TSPOAP1: variants seen among roughly 807,000 people sequenced by gnomAD.
The protein encoded by TSPOAP1 is TSPO associated protein 1, also known as peripheral-type benzodiazepine receptor-associated protein 1.
In TSPOAP1, 87 loss-of-function variants were observed where a neutral mutation model predicts 197.0. The observed-to-expected ratio is 0.44, with a 90% CI of 0.37 to 0.53. The LOEUF is 0.53. Among genes scored for constraint, TSPOAP1 ranks in the 20% least tolerant of loss-of-function variants. TSPOAP1 has a pLI of 0.00. For synonymous variants in TSPOAP1, 913 were observed against 998.9 expected, an observed-to-expected ratio of 0.91 and a Z score of 1.62; for missense variants, 2,174 against 2,411.3, an observed-to-expected ratio of 0.90 and a Z score of 2.06.
chr17:58,323,566 G>A, intron 5 of TSPOAP1, 21 bp from the exon 6 acceptor site: 1 of 1,611,278 alleles, frequency 6.2e-7, no homozygotes, highest in Non-Finnish European at 8.5e-7. Context: ...CCAGGGGCAA[G>A]GGGCTGGCAC....
chr17:58,322,767 C>T lies in TSPOAP1; in HGVS notation c.1204G>A (p.Glu402Lys), dbSNP rs764418857. The T allele has an allele frequency of 4.3e-6, 7 of 1,612,764 alleles. No homozygotes were observed. Among genetic ancestry groups the T allele is most frequent in the South Asian group, 1.1e-5 (1 of 91,078 alleles). The stretch of plus-strand genomic sequence containing the variant: ...AGCTGGCCCCTCAGCTCCGCATTCT[C>T]CCACTCCACCTGGCGAGGGGGCAGT... ...RATEKEQVEW[E>K]NAELRGQLLG... The change falls in exon 9 of 32, where the codon GAG becomes AAG. Residue 402 changes from glutamate (E) to lysine (K), a missense_variant. Physicochemically the swap from Glu to Lys is moderately conservative, Grantham distance 56. Around this residue, in one of 5 missense-constraint regions of TSPOAP1, gnomAD observed 1,933 missense variants for 2,139.0 expected, o/e 0.90. Transcript: ENST00000343736. This position sits in a 1 kb window ranked among gnomAD's most constrained non-coding sequence, Gnocchi z 5.0.
rs1396053233 is a variant in TSPOAP1 at position 58,328,269 on chromosome 17, G to T, written c.-349C>A. The T allele has an allele frequency of 5.7e-6, 2 of 350,368 alleles. No individual in the cohort carries two copies. Among genetic ancestry groups the T allele is most frequent in the African/African-American group, 4.1e-5 (2 of 48,790 alleles). 21.7% of individuals were successfully genotyped at this position (350,368 alleles called of 1,614,324 possible). The stretch of plus-strand genomic sequence containing the variant: ...CGTGTGTGTGTCTCCAGGTCTGTCC[G>T]TGCAGGTCAATGCTGTCTCATGTGT... On this transcript the variant is annotated 5_prime_UTR_variant, in exon 1 of 32. Transcript: ENST00000343736. This position sits in a 1 kb window ranked among gnomAD's most constrained non-coding sequence, Gnocchi z 4.3.
At chr17:58,312,814 T>C in intron 16 of TSPOAP1, 92 bp from the exon 17 acceptor site, 1 of 906,428 alleles carries the variant, frequency 1.1e-6, no homozygotes, top group South Asian at 1.7e-5. Flanking sequence ...TAGCAACTGC[T>C]AGTGGGTGAT....
At chr17:58,316,236 T>C in intron 15 of TSPOAP1, 104 bp from the exon 16 acceptor site, 3 of 1,173,898 alleles carry the variant, frequency 2.6e-6, no homozygotes, top group Non-Finnish European at 3.8e-6. Flanking sequence ...GAGACTTGGT[T>C]GTGGTTGTCC....
In TSPOAP1 at chr17:58,308,748, C is replaced by A. The variant is rs1367263292; in HGVS notation, c.4524G>T (p.Glu1508Asp). ...TGATGCTGATGCCCCCGCTGCCCGC[C>A]TCCTGCTCATCCTCCGAATCATATT... ...SIEYDSEDEQ[E>D]AGSGGISITS... The change falls in exon 22 of 32, where the codon GAG becomes GAT. Residue 1508 changes from glutamate to aspartate, a missense_variant. Physicochemically the swap from Glu to Asp is conservative, Grantham distance 45. Around this residue, in one of 5 missense-constraint regions of TSPOAP1, gnomAD observed 1,933 missense variants for 2,139.0 expected, o/e 0.90. Coordinates refer to ENST00000343736, the MANE Select transcript of TSPOAP1 (RefSeq NM_004758.4). 2 of 1,613,082 alleles carry A rather than the reference C, an allele frequency of 1.2e-6. No homozygotes were observed. The highest frequency in any genetic ancestry group is 1.7e-5 in the Admixed American group (1 of 60,018).
At chr17:58,320,616 G>C in intron 10 of TSPOAP1, 35 bp from the exon 11 acceptor site, 1 of 1,393,768 alleles carries the variant, frequency 7.2e-7, no homozygotes, top group Non-Finnish European at 9.4e-7. Flanking sequence ...CTGGAGGGAA[G>C]GAGAAGGAAT....
chr17:58,327,474 A>G, intron 1 of TSPOAP1, 114 bp downstream of exon 1: 1 of 1,065,740 alleles, frequency 9.4e-7, no homozygotes, highest in Non-Finnish European at 1.4e-6. Flanking sequence ...AGACAGGCCA[A>G]GAGAGGACAG....
chr17:58,325,018 A>T lies in TSPOAP1; in HGVS notation c.751-16T>A. The T allele has an allele frequency of 1.3e-6, 2 of 1,506,714 alleles. No homozygotes were observed. Among genetic ancestry groups the T allele is most frequent in the East Asian group, 2.5e-5 (1 of 40,316 alleles). 93.3% of individuals were successfully genotyped at this position (1,506,714 alleles called of 1,614,324 possible). On this transcript the variant is annotated splice_polypyrimidine_tract_variant and intron_variant, in intron 4 of 31. Coordinates refer to ENST00000343736, the MANE Select transcript of TSPOAP1 (RefSeq NM_004758.4). ...GGGGACCCTCCTGAGGTTGGGGGAC[A>T]GGGACAGGGAGGGGACTCAGGCCTA...
Position 58,322,721 on chromosome 17 carries a change from C to A in TSPOAP1, c.1250G>T (p.Arg417Met), listed in dbSNP as rs1971439199. 1.6e-5 allele frequency: 25 copies of A among 1,612,886 alleles called. No homozygotes were observed. Among genetic ancestry groups the A allele is most frequent in the Non-Finnish European group, 2.1e-5 (25 of 1,180,010 alleles). The change falls in exon 9 of 32, where the codon AGG (arginine) becomes ATG (methionine). Residue 417 changes from arginine to methionine, a missense_variant. By Grantham distance (91) the Arg-to-Met change is moderately conservative (BLOSUM62 -1). Coordinates refer to ENST00000343736, the MANE Select transcript of TSPOAP1 (RefSeq NM_004758.4). This position sits in a 1 kb window ranked among gnomAD's most constrained non-coding sequence, Gnocchi z 5.0. ...RGQLLGVTQE[R>M]DSALRKSQGL... ...CTGGCTCTTGCGAAGGGCTGAGTCC[C>A]TCTCCTGTGTCACCCCCAGGAGCTG... is the stretch of plus-strand genomic sequence containing the variant.
chr17:58,322,839 G>C lies in TSPOAP1; in HGVS notation c.1195-63C>G, dbSNP rs1365295385. The C allele has an allele frequency of 5.0e-6, 8 of 1,607,804 alleles. No individual in the cohort carries two copies. Among genetic ancestry groups the C allele is most frequent in the Non-Finnish European group, 6.8e-6 (8 of 1,176,584 alleles). ...GCCTTGACCCACCAGCACCCTCACAGGGGGAACAGTACCCTACCCCTGCTC... is the reference window on the plus strand; with the variant it reads ...GCCTTGACCCACCAGCACCCTCACACGGGGAACAGTACCCTACCCCTGCTC... On this transcript the variant is annotated intron_variant, in intron 8 of 31. Coordinates refer to ENST00000343736, the MANE Select transcript of TSPOAP1 (RefSeq NM_004758.4). This position sits in a 1 kb window ranked among gnomAD's most constrained non-coding sequence, Gnocchi z 5.0.
Position 58,309,374 on chromosome 17 carries a change from G to A in TSPOAP1, c.3898C>T (p.Pro1300Ser). The A allele has an allele frequency of 6.2e-7, 1 of 1,607,678 alleles. No homozygotes were observed. The highest frequency in any genetic ancestry group is 8.5e-7 in the Non-Finnish European group (1 of 1,177,714). ...CTGTCAGTCTCACAAAAGGGGTCGG[G>A]CTGGGACTGGTGGAGGTGGGGAGGT... ...SIRENGAKSQPDPFCETDSDE... is the reference protein window; with the variant it reads ...SIRENGAKSQSDPFCETDSDE... The change falls in exon 22 of 32, where the codon CCC (proline) becomes TCC (serine). Residue 1300 changes from proline (P) to serine (S), a missense_variant. This residue lies in a region of TSPOAP1 where 1,933 missense variants were observed against 2,139.0 expected (regional missense o/e 0.90). Transcript: ENST00000343736. The surrounding 1 kb of genome is among the most constrained non-coding windows in gnomAD (Gnocchi z 5.0).
At chr17:58,303,773 G>A (rs1485429107) in intron 31 of TSPOAP1, 1 of 152,214 alleles carries the variant, frequency 6.6e-6, no homozygotes. Context: ...AGCCTCCCAA[G>A]TAGCTAGTAT....
At position 58,326,158 on chromosome 17, in the gene TSPOAP1, T is replaced by C; in HGVS notation, c.570+135A>G. 1 of 1,409,708 alleles carries C rather than the reference T, an allele frequency of 7.1e-7. No homozygotes were observed. Among genetic ancestry groups the C allele is most frequent in the Non-Finnish European group, 9.5e-7 (1 of 1,051,488 alleles). The allele number at this position is 1,409,708 out of a possible 1,614,324, so 87.3% of individuals were successfully genotyped here. On this transcript the variant is annotated intron_variant, in intron 3 of 31. Coordinates refer to ENST00000343736, the MANE Select transcript of TSPOAP1 (RefSeq NM_004758.4). The surrounding 1 kb of genome is among the most constrained non-coding windows in gnomAD (Gnocchi z 4.7). ...GCCAGCCTCTGCCCTTCCTGCACCTTAGCCCCTAGATTCTTGCTTTCCTAG... is the reference window on the plus strand; with the variant it reads ...GCCAGCCTCTGCCCTTCCTGCACCTCAGCCCCTAGATTCTTGCTTTCCTAG...
rs1365295385 is a variant in TSPOAP1 at position 58,322,839 on chromosome 17, G to A, written c.1195-63C>T. The A allele has an allele frequency of 1.9e-6, 3 of 1,607,804 alleles. No individual in the cohort carries two copies. In the Admixed American group the frequency reaches 5.0e-5, roughly 27 times the overall value. ...GCCTTGACCCACCAGCACCCTCACA[G>A]GGGGAACAGTACCCTACCCCTGCTC... On this transcript the variant is annotated intron_variant, in intron 8 of 31. Coordinates refer to ENST00000343736, the MANE Select transcript of TSPOAP1 (RefSeq NM_004758.4). This position sits in a 1 kb window ranked among gnomAD's most constrained non-coding sequence, Gnocchi z 5.0.
rs546848917 is a variant in TSPOAP1, at chr17:58,312,430, C to T, written c.2391G>A (p.Leu797=). 1.4e-5 allele frequency: 22 copies of T among 1,613,212 alleles called. No individual in the cohort carries two copies. In the East Asian group the frequency reaches 2.5e-4, roughly 18 times the overall value. ...TGTGGGCCAGCTGCTTGAGGACCACCAGACGGCGGGGGTAAGGCACGGCAG... is the reference window on the plus strand; with the variant it reads ...TGTGGGCCAGCTGCTTGAGGACCACTAGACGGCGGGGGTAAGGCACGGCAG... The part of the protein sequence containing the change: ...EPPAVPYPRR[L]VVLKQLAHSV... Residue 797 remains leucine (L), a synonymous_variant, in exon 17 of 32, where the codon CTG becomes CTA. Coordinates refer to ENST00000343736, the MANE Select transcript of TSPOAP1 (RefSeq NM_004758.4).
At chr17:58,306,677 G>A in intron 25 of TSPOAP1, 123 bp downstream of exon 25, 2 of 1,266,410 alleles carry the variant, frequency 1.6e-6, no homozygotes, top group Non-Finnish European at 1.1e-6. Flanking sequence ...GTTCAAGGCA[G>A]GCTCCAAGGC....
In TSPOAP1 at chr17:58,319,071, C is replaced by T. The variant is rs1043983243; in HGVS notation, c.1699+19G>A. 4.7e-6 allele frequency: 7 copies of T among 1,497,752 alleles called. No homozygotes were observed. In the African/African-American group the frequency reaches 8.4e-5, roughly 18 times the overall value. The allele number at this position is 1,497,752 out of a possible 1,614,324, so 92.8% of individuals were successfully genotyped here. ...CAGGCCTGGGGATTCCAGGCCAATG[C>T]CACTGGGGTCCACCTTACCTTTGGG... On this transcript the variant is annotated intron_variant, in intron 13 of 31. Transcript: ENST00000343736.
At position 58,307,785 on chromosome 17, in the gene TSPOAP1, G is replaced by A. The variant is rs188776746; in HGVS notation, c.4832-23C>T. 2.0e-4 allele frequency: 315 copies of A among 1,613,814 alleles called. 8 individuals carry two copies. The highest frequency in any genetic ancestry group is 1.7e-3 in the South Asian group (157 of 91,084). Reference sequence around the variant, plus strand: ...GGACTGTGGAGACAGTGGAGAGGGCGGTGACGCAGCGAGCTCTGGCCGAGC... The same window carrying A: ...GGACTGTGGAGACAGTGGAGAGGGCAGTGACGCAGCGAGCTCTGGCCGAGC... On this transcript the variant is annotated intron_variant, in intron 23 of 31. Transcript: ENST00000343736.
At position 58,312,671 on chromosome 17, in the gene TSPOAP1, C is replaced by A; in HGVS notation, c.2150G>T (p.Arg717Leu). Residue 717 changes from arginine to leucine, a missense_variant, in exon 17 of 32, where the codon CGT (arginine) becomes CTT (leucine). Physicochemically the swap from Arg to Leu is moderately radical, Grantham distance 102. Transcript: ENST00000343736. ...GGTCAGGAGGTCATCATCCGACACA[C>A]GCTCTACAAAATTGGAAGGGACCAG... Reference protein sequence around the residue: ...RGLVPSNFVERVSDDDLLTSL... With the variant: ...RGLVPSNFVELVSDDDLLTSL... 6.2e-7 allele frequency: 1 copy of A among 1,613,732 alleles called. No homozygotes were observed. The highest frequency in any genetic ancestry group is 8.5e-7 in the Non-Finnish European group (1 of 1,180,038).
Sources: gnomAD v4.1 joint callset for allele counts on GRCh38, gnomAD v4.1.1 for gene constraint, gnomAD v4.1.1 regional missense constraint, Gnocchi (gnomAD v3.1) non-coding constraint, MANE v1.5 for transcripts, NCBI Gene and HGNC (gene_info 2026-07-23, HGNC 2026-07-21) for gene names.